Variants in SGK1 observed in about 807,000 individuals in gnomAD.
SGK1 encodes serine/threonine-protein kinase Sgk1.
In SGK1, 26 loss-of-function variants were observed where a neutral mutation model predicts 64.2. The observed-to-expected ratio is 0.40, with a 90% CI of 0.30 to 0.56. SGK1 has a LOEUF of 0.56. Among genes scored for constraint, SGK1 ranks in the 20% least tolerant of loss-of-function variants. SGK1 has a pLI of 0.38. For synonymous variants in SGK1, 265 were observed against 239.7 expected (o/e 1.11, Z -0.98); for missense variants, 519 against 645.6 (o/e 0.80, Z 2.12).
intron 3 of SGK1, among the ~76,000 whole-genome samples, chr6:134,203,038 G>A (rs924246434): frequency 6.6e-6 from 1 of 152,154 alleles, no homozygotes; most frequent in Non-Finnish European, 1.5e-5. Flanking sequence ...GAGGTCAAGA[G>A]ATCGAGGCCA....
At chr6:134,206,338 GATATATATATAT>G (rs71003676) in intron 3 of SGK1, among the ~76,000 whole-genome samples, 409 of 32,100 alleles carry the variant, frequency 0.013, no homozygotes, top group East Asian at 0.017. Flanking sequence ...TGTACCTGAT[GATATATATATAT>G]ATATATATAT....
At chr6:134,310,131 C>G (rs2114801637) in intron 1 of SGK1, among the ~76,000 whole-genome samples, 1 of 151,488 alleles carries the variant, frequency 6.6e-6, no homozygotes, top group South Asian at 2.1e-4. Flanking sequence ...TAAGCACTTA[C>G]AGATCATAAA....
chr6:134,201,903 G>A (rs1221451478), intron 3 of SGK1, among the ~76,000 whole-genome samples: 1 of 152,142 alleles, frequency 6.6e-6, no homozygotes, highest in Non-Finnish European at 1.5e-5. Flanking sequence ...AGGGCATGCT[G>A]CAGTGTAGAA....
intron 2 of SGK1, among the ~76,000 whole-genome samples, chr6:134,248,364 A>G (rs1157755881): frequency 3.3e-5 from 5 of 152,068 alleles, no homozygotes; most frequent in African/African-American, 1.2e-4. Flanking sequence ...ACATTGATAC[A>G]AGGTCAATAA....
chr6:134,177,800 A>T, intron 3 of SGK1: 2 of 1,613,568 alleles, frequency 1.2e-6, no homozygotes, highest in Non-Finnish European at 1.7e-6. Flanking sequence ...TGCCTCTGAT[A>T]AGCTGGAACT....
Position 134,201,732 on chromosome 6 carries a change from A to T in SGK1, c.361+5624T>A, listed in dbSNP as rs958541282. On this transcript the variant is annotated intron_variant, in intron 3 of 13. Transcript: ENST00000367858. ...TTACAGTAATAAAACTCGTACTGCA[A>T]CCATGACTAGAACATGGCCTTTGTA... 6.6e-5 allele frequency among the ~76,000 whole-genome samples: 10 copies of T among 152,334 alleles called. No homozygotes were observed. The East Asian group carries it at 1.9e-3, about 29-fold the overall frequency.
chr6:134,244,735 C>T (rs145353473), intron 2 of SGK1, among the ~76,000 whole-genome samples: 1 of 152,340 alleles, frequency 6.6e-6, no homozygotes, highest in African/African-American at 2.4e-5. Context: ...TTGCTGGGAG[C>T]TGCAGACCAG....
intron 3 of SGK1, among the ~76,000 whole-genome samples, chr6:134,206,902 C>CAA (rs61537793): frequency 0.69 from 101,110 of 147,230 alleles, 37,469 homozygotes; most frequent in South Asian, 0.9. Flanking sequence ...AAATTAATTG[C>CAA]AGTGTATTCG....
At chr6:134,302,837 C>T (rs1161444989) in intron 1 of SGK1, among the ~76,000 whole-genome samples, 1 of 151,974 alleles carries the variant, frequency 6.6e-6, no homozygotes, top group African/African-American at 2.4e-5. Context: ...TCACTGCAAC[C>T]TCCACCTCCC....
At position 134,248,005 on chromosome 6, in the gene SGK1, C is replaced by T. The variant is rs185489826; in HGVS notation, c.285+13928G>A. 1.6e-4 allele frequency among the ~76,000 whole-genome samples: 24 copies of T among 151,958 alleles called. No individual in the cohort carries two copies. In the East Asian group the frequency reaches 3.5e-3, roughly 22 times the overall value. On this transcript the variant is annotated intron_variant, in intron 2 of 13. Coordinates refer to ENST00000367858, the MANE Select transcript of SGK1 (RefSeq NM_001143676.3). Reference sequence around the variant, plus strand: ...GACTTCTGCTTGCATCTTTGATAAACGGCCAAGTTCTCACAGCTGTTATGA... The same window carrying T: ...GACTTCTGCTTGCATCTTTGATAAATGGCCAAGTTCTCACAGCTGTTATGA...
intron 1 of SGK1, among the ~76,000 whole-genome samples, chr6:134,273,821 T>G (rs943101684): frequency 6.6e-6 from 1 of 151,632 alleles, no homozygotes; most frequent in Non-Finnish European, 1.5e-5. Flanking sequence ...TTATTTTTAT[T>G]TATTTATTTA....
At chr6:134,206,523 T>C (rs1290818796) in intron 3 of SGK1, among the ~76,000 whole-genome samples, 2 of 149,844 alleles carry the variant, frequency 1.3e-5, no homozygotes, top group Non-Finnish European at 3.0e-5. Flanking sequence ...ATCTAGTATA[T>C]ACGTTTTAGA....
chr6:134,311,906 A>G (rs74589264), intron 1 of SGK1, among the ~76,000 whole-genome samples: 3,676 of 152,320 alleles, frequency 0.024, 67 homozygotes, highest in East Asian at 0.081. Context: ...GTTAGAAAGC[A>G]TTCCTACCGC....
At chr6:134,172,438 G>T in intron 9 of SGK1, 122 bp from the exon 10 acceptor site, 1 of 985,318 alleles carries the variant, frequency 1.0e-6, no homozygotes, top group Non-Finnish European at 1.5e-6. Flanking sequence ...GTGTAGTGAA[G>T]AAAAAAGGGA....
rs977601589 is a variant in SGK1, at chr6:134,317,323, C to G, written c.69+69G>C. The G allele has an allele frequency of 1.4e-5, 14 of 1,007,854 alleles. No individual in the cohort carries two copies. The African/African-American group carries it at 2.2e-4, about 16-fold the overall frequency. The allele number at this position is 1,007,854 out of a possible 1,614,324, so 62.4% of individuals were successfully genotyped here. A position where few individuals can be genotyped will look rare whatever the true frequency, so the allele number is the denominator to read the frequency against. On this transcript the variant is annotated intron_variant, in intron 1 of 13. Transcript: ENST00000367858. ...TAGCAACAAAACCTCAGGCTTACTT[C>G]AGGCAAACATTCAAAAGCATTTAAG... is the stretch of plus-strand genomic sequence containing the variant.
intron 3 of SGK1, among the ~76,000 whole-genome samples, chr6:134,192,253 C>G (rs1439757883): frequency 6.6e-6 from 1 of 152,048 alleles, no homozygotes; most frequent in African/African-American, 2.4e-5. Flanking sequence ...GCGTGGGTCA[C>G]CATGCCCGGC....
intron 1 of SGK1, among the ~76,000 whole-genome samples, chr6:134,287,016 C>T (rs993768239): frequency 3.3e-5 from 5 of 151,810 alleles, no homozygotes; most frequent in East Asian, 3.9e-4. Flanking sequence ...TTTTTTGAGA[C>T]GGAGTGTCAC....
chr6:134,289,618 C>A (rs62425194), intron 1 of SGK1, among the ~76,000 whole-genome samples: 27,398 of 151,348 alleles, frequency 0.18, 2,824 homozygotes, highest in East Asian at 0.34. Context: ...TTTTTCCATA[C>A]TGTGTTTAAA....
intron 2 of SGK1, among the ~76,000 whole-genome samples, chr6:134,212,804 T>TA (rs746551259): frequency 1.3e-5 from 2 of 152,242 alleles, no homozygotes; most frequent in Non-Finnish European, 2.9e-5. Context: ...TTTTCTACAG[T>TA]AACTATATAC....
Sources: gnomAD v4.1 joint callset for allele counts (sites outside exome capture counted in the v4.1 genomes callset) on GRCh38, gnomAD v4.1.1 for gene constraint, MANE v1.5 for transcripts, NCBI Gene and HGNC (gene_info 2026-07-23, HGNC 2026-07-21) for gene names.